Variants in LDB2 observed in about 807,000 individuals in gnomAD.
LDB2 encodes LIM domain binding 2.
LDB2 carries 12 observed loss-of-function variants against 44.3 expected under a neutral mutation model. The observed-to-expected ratio is 0.27, with a 90% CI of 0.17 to 0.44. LDB2 has a LOEUF of 0.44. LDB2 is among the 20% of genes least tolerant of loss of function. The probability of loss-of-function intolerance (pLI) is 1.00; values close to 1 mark genes in which losing one functional copy is unlikely to be tolerated. For synonymous variants in LDB2, 164 were observed against 174.8 expected (o/e 0.94, Z 0.49); for missense variants, 344 against 473.5 (o/e 0.73, Z 2.54).
Position 16,897,948 on chromosome 4 carries a change from A to G in LDB2, c.132+406T>C, listed in dbSNP as rs1341406826. 5.7e-3 allele frequency among the ~76,000 whole-genome samples: 200 copies of G among 35,076 alleles called. 3 individuals are homozygous for G. Among genetic ancestry groups the G allele is most frequent in the Middle Eastern group, 0.036 (3 of 84 alleles). The allele number at this position is 35,076 out of a possible 152,430, so 23.0% of individuals were successfully genotyped here. ...TATATATATATATATACACATATGT[A>G]TATATATATATATATATATATATAT... On this transcript the variant is annotated intron_variant, in intron 1 of 7. Coordinates refer to ENST00000304523, the MANE Select transcript of LDB2 (RefSeq NM_001290.5).
intron 5 of LDB2, among the ~76,000 whole-genome samples, chr4:16,570,713 G>T (rs1746208240): frequency 6.7e-6 from 1 of 149,974 alleles, no homozygotes. Flanking sequence ...CTTGCAATCT[G>T]AATAATAGGG....
At chr4:16,525,523 C>A (rs1323725440) in intron 5 of LDB2, among the ~76,000 whole-genome samples, 1 of 152,162 alleles carries the variant, frequency 6.6e-6, no homozygotes, top group Non-Finnish European at 1.5e-5. Context: ...GATGCCAGCA[C>A]TGTATGAAAA....
intron 6 of LDB2, among the ~76,000 whole-genome samples, chr4:16,510,281 C>A (rs963598219): frequency 6.6e-6 from 1 of 152,086 alleles, no homozygotes; most frequent in Non-Finnish European, 1.5e-5. Flanking sequence ...TTTTTATCGT[C>A]CCTAAATATT....
At chr4:16,897,912 A>ATG (rs1725611641) in intron 1 of LDB2, among the ~76,000 whole-genome samples, 1 of 15,668 alleles carries the variant, frequency 6.4e-5, no homozygotes, top group Non-Finnish European at 9.6e-5. Context: ...ATATATATAT[A>ATG]TATATATATA....
At chr4:16,682,133 A>G (rs1480777257) in intron 2 of LDB2, among the ~76,000 whole-genome samples, 1 of 152,210 alleles carries the variant, frequency 6.6e-6, no homozygotes, top group Non-Finnish European at 1.5e-5. Flanking sequence ...TGTTTAAGAT[A>G]GTTGATGGAT....
At chr4:16,659,494 A>G (rs1272298281) in intron 2 of LDB2, among the ~76,000 whole-genome samples, 1 of 151,956 alleles carries the variant, frequency 6.6e-6, no homozygotes, top group Admixed American at 6.6e-5. Context: ...CAAAGACCAA[A>G]GTTTTCTAAC....
chr4:16,637,345 G>C (rs536419065), intron 2 of LDB2, among the ~76,000 whole-genome samples: 192 of 119,278 alleles, frequency 1.6e-3, no homozygotes, highest in African/African-American at 5.5e-3. Context: ...TCCTCATAGA[G>C]CAGGTGTCTT....
At chr4:16,655,917 T>TTTTTTA (rs1739687689) in intron 2 of LDB2, among the ~76,000 whole-genome samples, 1 of 148,046 alleles carries the variant, frequency 6.8e-6, no homozygotes. Context: ...TTTTTTTTTT[T>TTTTTTA]GAGATGGAGT....
At chr4:16,856,097 C>T (rs528892906) in intron 1 of LDB2, among the ~76,000 whole-genome samples, 6 of 152,190 alleles carry the variant, frequency 3.9e-5, no homozygotes, top group South Asian at 2.1e-4. Flanking sequence ...TTTCTTCAAA[C>T]GAAACAAATC....
intron 2 of LDB2, among the ~76,000 whole-genome samples, chr4:16,685,301 G>A (rs965888880): frequency 3.3e-5 from 5 of 152,158 alleles, no homozygotes; most frequent in African/African-American, 1.2e-4. Context: ...ACTTCAATAG[G>A]TCTTTGTTTC....
At position 16,817,045 on chromosome 4, in the gene LDB2, G is replaced by T. The variant is rs1185301944; in HGVS notation, c.133-57785C>A. 4.6e-5 allele frequency among the ~76,000 whole-genome samples: 7 copies of T among 152,184 alleles called. No homozygotes were observed. In the East Asian group the frequency reaches 9.7e-4, roughly 21 times the overall value. ...GCCAACAAGACCATGAGCTCTTTGT[G>T]GGGGGAACAGGCCCTGTGAAGGAGT... On this transcript the variant is annotated intron_variant, in intron 1 of 7. Coordinates refer to ENST00000304523, the MANE Select transcript of LDB2 (RefSeq NM_001290.5).
chr4:16,668,933 G>T (rs1235306562), intron 2 of LDB2, among the ~76,000 whole-genome samples: 2 of 152,082 alleles, frequency 1.3e-5, no homozygotes, highest in Admixed American at 6.6e-5. Flanking sequence ...TTTTCCAATC[G>T]CTCCTGCTAC....
intron 5 of LDB2, among the ~76,000 whole-genome samples, chr4:16,525,072 T>C (rs1727714338): frequency 6.6e-6 from 1 of 152,224 alleles, no homozygotes; most frequent in South Asian, 2.1e-4. Context: ...AACATGACTA[T>C]CTTGTTCATG....
chr4:16,874,913 TA>T (rs960214843), intron 1 of LDB2, among the ~76,000 whole-genome samples: 9 of 152,346 alleles, frequency 5.9e-5, no homozygotes, highest in African/African-American at 2.2e-4. Flanking sequence ...ATTATGTTTT[TA>T]AAAAGCTCTT....
chr4:16,809,148 C>T (rs1228293879), intron 1 of LDB2, among the ~76,000 whole-genome samples: 3 of 152,100 alleles, frequency 2.0e-5, no homozygotes, highest in Admixed American at 6.6e-5. Context: ...AGAGCCTGGG[C>T]CCCTGAATCA....
intron 2 of LDB2, among the ~76,000 whole-genome samples, chr4:16,662,612 G>A (rs938054966): frequency 6.6e-6 from 1 of 152,130 alleles, no homozygotes; most frequent in Admixed American, 6.5e-5. Context: ...GGACCCAGTG[G>A]GATGTAATTG....
intron 2 of LDB2, among the ~76,000 whole-genome samples, chr4:16,664,552 T>C (rs1392887971): frequency 6.6e-6 from 1 of 152,204 alleles, no homozygotes; most frequent in Admixed American, 6.5e-5. Context: ...GAAAGGGTTC[T>C]TGATTCTCCA....
intron 1 of LDB2, among the ~76,000 whole-genome samples, chr4:16,805,845 CT>C (rs1778684654): frequency 1.3e-5 from 2 of 152,190 alleles, no homozygotes; most frequent in African/African-American, 4.8e-5. Flanking sequence ...AGAAATTATC[CT>C]GTGGCTTGCA....
chr4:16,756,342 C>T (rs1415363102), intron 2 of LDB2, among the ~76,000 whole-genome samples: 3 of 152,004 alleles, frequency 2.0e-5, no homozygotes, highest in Non-Finnish European at 2.9e-5. Context: ...CCCTGCTACT[C>T]GGTAGGGAGG....
Sources: allele counts gnomAD v4.1 joint callset (sites outside exome capture counted in the v4.1 genomes callset), GRCh38; gene constraint gnomAD v4.1.1; transcripts MANE v1.5; gene names NCBI Gene and HGNC (gene_info 2026-07-23, HGNC 2026-07-21).